MAP3K20: variants seen among roughly 807,000 people sequenced by gnomAD.
The protein encoded by MAP3K20 is HCCS-4.
A neutral mutation model predicts 85.7 loss-of-function variants in MAP3K20; 40 were observed. The observed-to-expected ratio is 0.47, with a 90% confidence interval of 0.36 to 0.61. MAP3K20 has a LOEUF of 0.61. Among genes scored for constraint, MAP3K20 ranks in the 20% least tolerant of loss-of-function variants. The probability of loss-of-function intolerance (pLI) is 0.00; values close to 1 mark genes in which losing one functional copy is unlikely to be tolerated. For missense variants in MAP3K20, 817 were observed against 961.7 expected (o/e 0.85, Z 1.99); for synonymous variants, 325 against 327.7 (o/e 0.99, Z 0.09).
In MAP3K20 at chr2:173,258,036, C is replaced by A. The variant is rs76577568; in HGVS notation, c.1360-663C>A. Among the ~76,000 whole-genome samples, 473 of 152,302 alleles carry A rather than the reference C, an allele frequency of 3.1e-3. 2 individuals are homozygous for A. The highest frequency in any genetic ancestry group is 0.011 in the African/African-American group (453 of 41,556). On this transcript the variant is annotated intron_variant, in intron 16 of 19. Transcript: ENST00000375213. ...GTTCATGAAATATTAAAGGACCTAG[C>A]AAAACTGGGCTCATATTTCCACATG... is the stretch of plus-strand genomic sequence containing the variant.
intron 1 of MAP3K20, among the ~76,000 whole-genome samples, chr2:173,078,747 A>G (rs1686933984): frequency 1.3e-5 from 2 of 152,210 alleles, no homozygotes; most frequent in South Asian, 2.1e-4. Flanking sequence ...GTGGATGGTG[A>G]GCAATCCAGT....
chr2:173,241,411 GAGACC>G (rs891441548), intron 16 of MAP3K20, among the ~76,000 whole-genome samples: 2 of 152,172 alleles, frequency 1.3e-5, no homozygotes, highest in Admixed American at 6.5e-5. Context: ...CTAGGAGTTC[GAGACC>G]AGCCTGGGCA....
At chr2:173,176,770 T>C (rs916345376) in intron 3 of MAP3K20, among the ~76,000 whole-genome samples, 3 of 152,116 alleles carry the variant, frequency 2.0e-5, no homozygotes, top group African/African-American at 7.2e-5. Flanking sequence ...GATTAAAAAA[T>C]AACCAGATCC....
intron 2 of MAP3K20, among the ~76,000 whole-genome samples, chr2:173,164,023 A>T (rs527803734): frequency 8.4e-4 from 128 of 151,566 alleles, no homozygotes; most frequent in African/African-American, 3.1e-3. Context: ...GCAGTGGTGC[A>T]ATCTCGGCTC....
At chr2:173,081,106 G>A (rs1687001280) in intron 1 of MAP3K20, among the ~76,000 whole-genome samples, 1 of 151,780 alleles carries the variant, frequency 6.6e-6, no homozygotes, top group Non-Finnish European at 1.5e-5. Flanking sequence ...AAAAATTTAT[G>A]TGGATTTTGC....
At chr2:173,122,036 G>A (rs1237459609) in intron 2 of MAP3K20, among the ~76,000 whole-genome samples, 7 of 152,176 alleles carry the variant, frequency 4.6e-5, no homozygotes, top group Admixed American at 4.6e-4. Context: ...AATGTGAGAG[G>A]TCTGTCACAT....
intron 2 of MAP3K20, among the ~76,000 whole-genome samples, chr2:173,131,689 A>G (rs577231669): frequency 1.3e-5 from 2 of 152,308 alleles, no homozygotes; most frequent in South Asian, 4.1e-4. Flanking sequence ...CATGTGTAGA[A>G]ATATAGAAAG....
At chr2:173,234,726 A>T (rs1402019526) in intron 14 of MAP3K20, among the ~76,000 whole-genome samples, 1 of 152,248 alleles carries the variant, frequency 6.6e-6, no homozygotes, top group East Asian at 1.9e-4. Context: ...CTCCGTCTGC[A>T]GAACACGGGT....
chr2:173,208,698 T>C (rs1321866441), intron 9 of MAP3K20, among the ~76,000 whole-genome samples: 2 of 152,216 alleles, frequency 1.3e-5, no homozygotes, highest in East Asian at 3.8e-4. Context: ...TTCTTAGTAA[T>C]GTAGGAAGCA....
At chr2:173,259,159 T>A (rs1685230262) in intron 17 of MAP3K20, among the ~76,000 whole-genome samples, 1 of 152,224 alleles carries the variant, frequency 6.6e-6, no homozygotes, top group African/African-American at 2.4e-5. Flanking sequence ...CTATTTAAAC[T>A]TTGGAAAACT....
At chr2:173,240,508 A>C (rs963103627) in intron 16 of MAP3K20, among the ~76,000 whole-genome samples, 9 of 152,324 alleles carry the variant, frequency 5.9e-5, no homozygotes, top group Middle Eastern at 3.4e-3. Flanking sequence ...AATCCAGTTA[A>C]AAATGGGCAA....
rs111864866 is a variant in MAP3K20, at chr2:173,242,177, A to ATT, written c.1359+2695_1359+2696dup. On this transcript the variant is annotated intron_variant, in intron 16 of 19. Coordinates refer to ENST00000375213, the MANE Select transcript of MAP3K20 (RefSeq NM_016653.3). Reference sequence around the variant, plus strand: ...CAGAGATCTCAACCAAGAAAAAAAAATTTTTTTTTTTTTTTGAGACGGAGT... The same window carrying ATT: ...CAGAGATCTCAACCAAGAAAAAAAAATTTTTTTTTTTTTTTTTGAGACGGAGT... 2.1e-3 allele frequency among the ~76,000 whole-genome samples: 295 copies of ATT among 142,724 alleles called. 5 individuals carry two copies. The South Asian group carries it at 0.051, about 25-fold the overall frequency. 93.6% of individuals were successfully genotyped at this position (142,724 alleles called of 152,430 possible). A position where few individuals can be genotyped will look rare whatever the true frequency, so the allele number is the denominator to read the frequency against.
intron 8 of MAP3K20, 84 bp from the exon 9 acceptor site, chr2:173,203,712 T>C: frequency 9.5e-7 from 1 of 1,056,438 alleles, no homozygotes; most frequent in South Asian, 1.3e-5. Flanking sequence ...ATAACTCTAT[T>C]ATGACCCTTC....
intron 2 of MAP3K20, among the ~76,000 whole-genome samples, chr2:173,102,967 C>A (rs1054287727): frequency 1.3e-5 from 2 of 151,920 alleles, no homozygotes; most frequent in African/African-American, 2.4e-5. Flanking sequence ...GGAGGAGAAT[C>A]GCTTGAACCC....
chr2:173,222,031 C>T lies in MAP3K20; in HGVS notation c.987+4781C>T, dbSNP rs758945011. On this transcript the variant is annotated intron_variant, in intron 11 of 19. Transcript: ENST00000375213. ...TGGCCTGAGCAACCTAGTAAGACCTCGTCTCTACTAATAATTAAAAAACTA... is the reference window on the plus strand; with the variant it reads ...TGGCCTGAGCAACCTAGTAAGACCTTGTCTCTACTAATAATTAAAAAACTA... 74 of 971,726 alleles carry T rather than the reference C, an allele frequency of 7.6e-5. No homozygotes were observed. In the East Asian group the frequency reaches 8.0e-4, roughly 11 times the overall value. 60.2% of individuals were successfully genotyped at this position (971,726 alleles called of 1,614,324 possible).
chr2:173,207,754 G>A (rs1029445386), intron 9 of MAP3K20: 3 of 145,758 alleles, frequency 2.1e-5, no homozygotes, highest in South Asian at 4.4e-4. Context: ...CAAATCCTAT[G>A]TGATGCCTAA....
chr2:173,184,457 G>C (rs557675566), intron 4 of MAP3K20, among the ~76,000 whole-genome samples: 1 of 152,184 alleles, frequency 6.6e-6, no homozygotes, highest in African/African-American at 2.4e-5. Flanking sequence ...TTCCCAGCCT[G>C]GGAAACTCTT....
intron 14 of MAP3K20, among the ~76,000 whole-genome samples, chr2:173,237,050 G>A (rs1684670468): frequency 9.9e-6 from 1 of 100,552 alleles, no homozygotes; most frequent in Non-Finnish European, 1.8e-5. Context: ...TTTTTGAGCT[G>A]GAGTCTCACT....
At chr2:173,234,668 A>G (rs529946351) in intron 14 of MAP3K20, among the ~76,000 whole-genome samples, 3 of 152,230 alleles carry the variant, frequency 2.0e-5, no homozygotes, top group Non-Finnish European at 2.9e-5. Flanking sequence ...ATGGAAGAGA[A>G]TGTGGAGGAA....
Sources: gnomAD v4.1 joint callset for allele counts (sites outside exome capture counted in the v4.1 genomes callset) on GRCh38, gnomAD v4.1.1 for gene constraint, MANE v1.5 for transcripts, NCBI Gene and HGNC (gene_info 2026-07-23, HGNC 2026-07-21) for gene names.